The following KIAA1217 variants were observed in gnomAD, a reference collection of about 807,000 sequenced individuals.
KIAA1217 encodes the protein KIAA1217.
In KIAA1217, 88 loss-of-function variants were observed where a neutral mutation model predicts 163.9. The observed-to-expected ratio is 0.54, with a 90% CI of 0.45 to 0.64. The LOEUF is 0.64. Ranked by LOEUF, KIAA1217 falls within the 30% of genes least tolerant of loss-of-function variation. KIAA1217 has a pLI of 0.00. For missense variants in KIAA1217, 2,372 were observed against 2,475.0 expected, an observed-to-expected ratio of 0.96 and a Z score of 0.88; for synonymous variants, 903 against 923.1, an observed-to-expected ratio of 0.98 and a Z score of 0.39.
intron 2 of KIAA1217, among the ~76,000 whole-genome samples, chr10:24,226,312 C>T (rs187079211): frequency 6.6e-6 from 1 of 152,106 alleles, no homozygotes; most frequent in Non-Finnish European, 1.5e-5. Flanking sequence ...ATAGACATGA[C>T]TTCCATTGCC....
chr10:24,262,484 G>A (rs1222572117), intron 2 of KIAA1217, among the ~76,000 whole-genome samples: 4 of 152,050 alleles, frequency 2.6e-5, no homozygotes, highest in South Asian at 2.1e-4. Flanking sequence ...AAAATTAGCC[G>A]GGCGAGGTGG....
intron 2 of KIAA1217, among the ~76,000 whole-genome samples, chr10:24,261,072 G>A (rs2131712762): frequency 6.6e-6 from 1 of 152,260 alleles, no homozygotes; most frequent in East Asian, 1.9e-4. Context: ...CAATGTCACA[G>A]GTACTTCACG....
chr10:24,000,534 A>G (rs2131462858), intron 1 of KIAA1217, among the ~76,000 whole-genome samples: 1 of 152,334 alleles, frequency 6.6e-6, no homozygotes, highest in Non-Finnish European at 1.5e-5. Flanking sequence ...AGTCTCTCGT[A>G]TGTCCTTATA....
upstream of KIAA1217, among the ~76,000 whole-genome samples, chr10:24,207,282 T>TCACACACACACACA (rs71397934): frequency 7.1e-3 from 996 of 140,188 alleles, 8 homozygotes; most frequent in African/African-American, 0.025. Flanking sequence ...TCTCTCTCTC[T>TCACACACACACACA]CACACACACA....
At chr10:24,298,478 G>C (rs570282696) in intron 2 of KIAA1217, among the ~76,000 whole-genome samples, 5 of 152,048 alleles carry the variant, frequency 3.3e-5, no homozygotes, top group African/African-American at 1.2e-4. Context: ...AAAGTTAAAG[G>C]CTCAGACTTA....
At chr10:24,212,627 A>G (rs2068281531) in intron 1 of KIAA1217, among the ~76,000 whole-genome samples, 1 of 152,236 alleles carries the variant, frequency 6.6e-6, no homozygotes, top group South Asian at 2.1e-4. Flanking sequence ...GCTGTAGAGA[A>G]GCATGGCTTC....
chr10:24,318,977 A>G (rs1226339324), intron 2 of KIAA1217, among the ~76,000 whole-genome samples: 1 of 152,176 alleles, frequency 6.6e-6, no homozygotes, highest in African/African-American at 2.4e-5. Flanking sequence ...AGCTGCAGGT[A>G]GAGTGGCAGC....
chr10:24,374,378 C>T (rs1259738134), intron 2 of KIAA1217, among the ~76,000 whole-genome samples: 1 of 152,114 alleles, frequency 6.6e-6, no homozygotes, highest in African/African-American at 2.4e-5. Flanking sequence ...TCCAGATGTC[C>T]ACTAAACACT....
chr10:23,856,608 C>T (rs887884358), intron 1 of KIAA1217, among the ~76,000 whole-genome samples: 2 of 152,232 alleles, frequency 1.3e-5, no homozygotes, highest in Admixed American at 6.5e-5. Flanking sequence ...GACCTGTGCC[C>T]AGAGGTGGAG....
At chr10:24,123,325 T>A (rs1383368057) in intron 2 of KIAA1217, among the ~76,000 whole-genome samples, 4 of 152,150 alleles carry the variant, frequency 2.6e-5, no homozygotes, top group Non-Finnish European at 5.9e-5. Context: ...TACCTATATA[T>A]AGGTCCATTT....
rs544756306 is a variant in KIAA1217, at chr10:23,960,585, A to G, written c.-320-46640A>G. 8.5e-5 allele frequency among the ~76,000 whole-genome samples: 13 copies of G among 152,342 alleles called. No homozygotes were observed. In the South Asian group the frequency reaches 2.1e-3, roughly 24 times the overall value. On this transcript the variant is annotated intron_variant, in intron 1 of 18. Coordinates refer to the KIAA1217 transcript ENST00000376462. ...TTTTCATTCAACAGAGTTGGAGATCAATCATTTCACTCCAGAAATAGAAGA... is the reference window on the plus strand; with the variant it reads ...TTTTCATTCAACAGAGTTGGAGATCGATCATTTCACTCCAGAAATAGAAGA...
Position 24,088,274 on chromosome 10 carries a change from T to TATATAC in KIAA1217, c.-171+80901_-171+80902insTATACA, listed in dbSNP as rs1285415158. 4.7e-4 allele frequency among the ~76,000 whole-genome samples: 50 copies of TATATAC among 107,252 alleles called. 1 individual carries two copies. Among genetic ancestry groups the TATATAC allele is most frequent in the African/African-American group, 1.5e-3 (47 of 32,330 alleles). 70.4% of individuals were successfully genotyped at this position (107,252 alleles called of 152,430 possible). ...TAATATACATATATATATATATATA[T>TATATAC]ACACACATATATGTGTATATATATA... On this transcript the variant is annotated intron_variant, in intron 2 of 18. Transcript: ENST00000376462.
intron 2 of KIAA1217, among the ~76,000 whole-genome samples, chr10:24,365,391 C>CT (rs770368589): frequency 2.0e-4 from 28 of 139,160 alleles, no homozygotes; most frequent in East Asian, 4.1e-4. Flanking sequence ...ATTTTCTGTG[C>CT]TTTTTTTTTG....
intron 14 of KIAA1217, among the ~76,000 whole-genome samples, chr10:24,529,921 C>G (rs2072868972): frequency 6.6e-6 from 1 of 151,760 alleles, no homozygotes; most frequent in South Asian, 2.1e-4. Flanking sequence ...CCTCAGCCTC[C>G]CAAATAGCTA....
intron 1 of KIAA1217, among the ~76,000 whole-genome samples, chr10:24,003,728 C>T (rs1412625670): frequency 6.6e-6 from 1 of 152,186 alleles, no homozygotes; most frequent in African/African-American, 2.4e-5. Flanking sequence ...TAATGTGTCA[C>T]TTTGAATCAC....
At chr10:23,787,581 AG>A (rs1197185486) in intron 1 of KIAA1217, among the ~76,000 whole-genome samples, 1 of 152,164 alleles carries the variant, frequency 6.6e-6, no homozygotes, top group African/African-American at 2.4e-5. Flanking sequence ...TAAAAGTTAC[AG>A]TCTACTCAGA....
intron 5 of KIAA1217, among the ~76,000 whole-genome samples, chr10:24,462,065 T>C (rs901385329): frequency 4.6e-5 from 7 of 152,110 alleles, no homozygotes; most frequent in African/African-American, 1.7e-4. Flanking sequence ...TGTACATATA[T>C]GTATATGTAT....
chr10:23,917,041 C>G (rs1469548603), intron 1 of KIAA1217, among the ~76,000 whole-genome samples: 1 of 150,284 alleles, frequency 6.7e-6, no homozygotes, highest in Non-Finnish European at 1.5e-5. Flanking sequence ...CCTTTCCTTT[C>G]CCTCCTTTTT....
At chr10:23,772,325 A>G (rs2130882961) in intron 1 of KIAA1217, among the ~76,000 whole-genome samples, 1 of 152,336 alleles carries the variant, frequency 6.6e-6, no homozygotes, top group Middle Eastern at 3.4e-3. Flanking sequence ...CTGTTGTGCT[A>G]TCCTCTTAAC....
Sources: gnomAD v4.1 joint callset for allele counts (sites outside exome capture counted in the v4.1 genomes callset) on GRCh38, gnomAD v4.1.1 for gene constraint, MANE v1.5 for transcripts, NCBI Gene and HGNC (gene_info 2026-07-23, HGNC 2026-07-21) for gene names.